The following THSD7B variants were observed in gnomAD, a reference collection of about 807,000 sequenced individuals.
THSD7B encodes thrombospondin type-1 domain-containing protein 7B.
In THSD7B, 138 loss-of-function variants were observed where a neutral mutation model predicts 213.6. The observed-to-expected ratio is 0.65, with a 90% confidence interval of 0.56 to 0.74. The LOEUF (loss-of-function observed/expected upper bound fraction) is 0.74, where lower values mean the gene tolerates loss of function less well. Among genes scored for constraint, THSD7B ranks in the 30% least tolerant of loss-of-function variants. THSD7B has a pLI of 0.00. For synonymous variants in THSD7B, 742 were observed against 687.0 expected, an observed-to-expected ratio of 1.08 and a Z score of -1.25; for missense variants, 1,931 against 1,991.5, an observed-to-expected ratio of 0.97 and a Z score of 0.58.
chr2:136,959,562 A>G (rs527941237), intron 2 of THSD7B, among the ~76,000 whole-genome samples: 77 of 152,296 alleles, frequency 5.1e-4, no homozygotes, highest in Admixed American at 2.2e-3. Context: ...TTCAAATAAA[A>G]CATTTGGTTT....
chr2:137,170,856 A>C lies in THSD7B; in HGVS notation c.1641A>C (p.Ala547=), dbSNP rs757834131. 6 of 1,613,532 alleles carry C rather than the reference A, an allele frequency of 3.7e-6. No homozygotes were observed. In the African/African-American group the frequency reaches 6.7e-5, roughly 18 times the overall value. Reference sequence around the variant, plus strand: ...ATCCAATGTGCTACCGATGGCTGGCATCAGAAGGGATCTGTTTCCCTGATC... The same window carrying C: ...ATCCAATGTGCTACCGATGGCTGGCCTCAGAAGGGATCTGTTTCCCTGATC... ...CEDPMCYRWL[A]SEGICFPDHG... Residue 547 remains alanine (A), a synonymous_variant, in exon 7 of 28, where the codon GCA becomes GCC. Coordinates refer to ENST00000409968, the MANE Select transcript of THSD7B (RefSeq NM_001316349.2).
intron 12 of THSD7B, among the ~76,000 whole-genome samples, chr2:137,322,054 G>T (rs1684273899): frequency 6.6e-6 from 1 of 152,194 alleles, no homozygotes; most frequent in African/African-American, 2.4e-5. Context: ...GTTGGATTAA[G>T]CAGAGTTTTA....
At chr2:136,792,461 T>A (rs1681984617) in intron 1 of THSD7B, among the ~76,000 whole-genome samples, 1 of 151,976 alleles carries the variant, frequency 6.6e-6, no homozygotes, top group Non-Finnish European at 1.5e-5. Context: ...CGTACATTTG[T>A]CAAAACTCAT....
At position 137,676,506 on chromosome 2, in the gene THSD7B, A is replaced by G. The variant is rs761741158; in HGVS notation, c.4740-18A>G. On this transcript the variant is annotated intron_variant, in intron 27 of 27. Transcript: ENST00000409968. ...TCTATGAACTTACTTGATCTGAGGA[A>G]TTTTTTTCCCTTTGCAGCAAGAAGC... The G allele has an allele frequency of 3.8e-5, 60 of 1,574,260 alleles. No homozygotes were observed. The highest frequency in any genetic ancestry group is 5.1e-5 in the Non-Finnish European group (59 of 1,161,814).
At chr2:137,533,996 A>G (rs1008197596) in intron 15 of THSD7B, among the ~76,000 whole-genome samples, 1 of 137,334 alleles carries the variant, frequency 7.3e-6, no homozygotes, top group African/African-American at 2.9e-5. Flanking sequence ...GCCCGTGCAC[A>G]TGTATGTGTG....
intron 15 of THSD7B, among the ~76,000 whole-genome samples, chr2:137,510,818 T>C (rs554400770): frequency 6.6e-6 from 1 of 152,200 alleles, no homozygotes; most frequent in Non-Finnish European, 1.5e-5. Flanking sequence ...CTATTAGAAA[T>C]TAGACCGTCA....
At chr2:137,331,849 G>T (rs193186620) in intron 12 of THSD7B, among the ~76,000 whole-genome samples, 4 of 152,128 alleles carry the variant, frequency 2.6e-5, no homozygotes, top group Non-Finnish European at 2.9e-5. Flanking sequence ...CCGCTGGCCC[G>T]GGTGCTAAGC....
chr2:137,036,792 C>T (rs1047659356), intron 2 of THSD7B, among the ~76,000 whole-genome samples: 1 of 152,154 alleles, frequency 6.6e-6, no homozygotes, highest in African/African-American at 2.4e-5. Flanking sequence ...AGTACAATTA[C>T]TCATTTCTAC....
At chr2:137,673,568 C>A (rs2104832953) in intron 27 of THSD7B, among the ~76,000 whole-genome samples, 1 of 152,302 alleles carries the variant, frequency 6.6e-6, no homozygotes, top group Non-Finnish European at 1.5e-5. Context: ...AATAAACTTA[C>A]TTCTAAAGGA....
chr2:137,183,500 GT>G (rs1680493805), intron 7 of THSD7B, among the ~76,000 whole-genome samples: 1 of 152,106 alleles, frequency 6.6e-6, no homozygotes, highest in Non-Finnish European at 1.5e-5. Context: ...ATTGTAAAAA[GT>G]TAGAATATTT....
intron 20 of THSD7B, among the ~76,000 whole-genome samples, chr2:137,627,519 G>C (rs1405271753): frequency 6.6e-6 from 1 of 152,214 alleles, no homozygotes; most frequent in Non-Finnish European, 1.5e-5. Context: ...CTGGCAATAA[G>C]TTATGGACTC....
chr2:137,603,149 C>T (rs1407409903), intron 17 of THSD7B, among the ~76,000 whole-genome samples: 1 of 152,180 alleles, frequency 6.6e-6, no homozygotes, highest in Non-Finnish European at 1.5e-5. Flanking sequence ...CTCCCCTCGC[C>T]TGAGTATCCC....
At chr2:136,867,112 C>T (rs1175680785) in intron 1 of THSD7B, among the ~76,000 whole-genome samples, 2 of 152,200 alleles carry the variant, frequency 1.3e-5, no homozygotes, top group African/African-American at 2.4e-5. Context: ...TGTCCCCTAA[C>T]ATCCAGGAAC....
chr2:136,858,810 A>G (rs757837775), intron 1 of THSD7B, among the ~76,000 whole-genome samples: 6 of 152,226 alleles, frequency 3.9e-5, no homozygotes, highest in Non-Finnish European at 7.3e-5. Context: ...CAGACGTCCC[A>G]TAATATCTTC....
At chr2:137,427,992 T>C (rs931886935) in intron 14 of THSD7B, among the ~76,000 whole-genome samples, 2 of 152,022 alleles carry the variant, frequency 1.3e-5, no homozygotes, top group African/African-American at 4.8e-5. Context: ...AGAATAAAAC[T>C]GAAAAAAATA....
At chr2:137,232,782 C>A in intron 8 of THSD7B, 117 bp from the exon 9 acceptor site, 1 of 900,720 alleles carries the variant, frequency 1.1e-6, no homozygotes, top group Non-Finnish European at 1.7e-6. Context: ...TGCAGTGGCT[C>A]AGGTCTTTGG....
At chr2:137,367,084 T>G (rs1242059807) in intron 12 of THSD7B, among the ~76,000 whole-genome samples, 1 of 152,130 alleles carries the variant, frequency 6.6e-6, no homozygotes, top group Non-Finnish European at 1.5e-5. Flanking sequence ...TTGCTTTTTT[T>G]TTTGTTTTGG....
chr2:136,868,168 T>C (rs139760205), intron 1 of THSD7B, among the ~76,000 whole-genome samples: 2 of 152,080 alleles, frequency 1.3e-5, no homozygotes, highest in East Asian at 1.9e-4. Context: ...GTTGAAATAA[T>C]ATAATTTGTT....
intron 12 of THSD7B, among the ~76,000 whole-genome samples, chr2:137,340,017 A>G (rs1281032487): frequency 6.6e-6 from 1 of 151,696 alleles, no homozygotes. Flanking sequence ...TTGTTTTGAT[A>G]TGGAAACTTA....
Sources: gnomAD v4.1 joint callset for allele counts (sites outside exome capture counted in the v4.1 genomes callset) on GRCh38, gnomAD v4.1.1 for gene constraint, MANE v1.5 for transcripts, NCBI Gene and HGNC (gene_info 2026-07-23, HGNC 2026-07-21) for gene names.